The following MAEA variants were observed in gnomAD, a reference collection of about 807,000 sequenced individuals.
The protein encoded by MAEA is macrophage erythroblast attacher, E3 ubiquitin ligase.
In MAEA, 22 loss-of-function variants were observed where a neutral mutation model predicts 46.2. The observed-to-expected ratio is 0.48, with a 90% confidence interval of 0.34 to 0.68. The LOEUF (loss-of-function observed/expected upper bound fraction) is 0.68. MAEA is among the 30% of genes least tolerant of loss of function. The pLI is 0.01. For synonymous variants in MAEA, 246 were observed against 222.6 expected, an observed-to-expected ratio of 1.11 and a Z score of -0.94; for missense variants, 393 against 558.1, an observed-to-expected ratio of 0.70 and a Z score of 2.98.
intron 1 of MAEA, among the ~76,000 whole-genome samples, chr4:1,301,990 C>T (rs1735363879): frequency 6.6e-6 from 1 of 152,200 alleles, no homozygotes; most frequent in African/African-American, 2.4e-5. Context: ...ATCCCACCTC[C>T]TTCTATGAGG....
Position 1,327,633 on chromosome 4 carries a change from C to T in MAEA, c.586C>T (p.Leu196=). The T allele has an allele frequency of 6.2e-7, 1 of 1,613,874 alleles. No individual in the cohort carries two copies. Among genetic ancestry groups the T allele is most frequent in the Non-Finnish European group, 8.5e-7 (1 of 1,179,902 alleles). Residue 196 remains leucine (L), a synonymous_variant, in exon 5 of 9, where the codon CTG becomes TTG. Transcript: ENST00000303400. ...KSRLRKMKSC[L]EFSLRIQEFI... is the part of the protein sequence containing the mutation. Reference sequence around the variant, plus strand: ...GTCTTGTCTTTGCCCTCAGAGCTGCCTGGAGTTCAGCCTCAGAATCCAGGA... The same window carrying T: ...GTCTTGTCTTTGCCCTCAGAGCTGCTTGGAGTTCAGCCTCAGAATCCAGGA...
In MAEA at chr4:1,325,540, C is replaced by T. The variant is rs1224808760; in HGVS notation, c.580-2087C>T. Among the ~76,000 whole-genome samples, 3 of 152,296 alleles carry T rather than the reference C, an allele frequency of 2.0e-5. No homozygotes were observed. In the Middle Eastern group the frequency reaches 0.01, roughly 518 times the overall value. On this transcript the variant is annotated intron_variant, in intron 4 of 8. Transcript: ENST00000303400. Reference sequence around the variant, plus strand: ...GGTTTGAGGTGTCTATTGTGTGAAGCGGTAACCTAGAGTGGGCCCAGAGTC... The same window carrying T: ...GGTTTGAGGTGTCTATTGTGTGAAGTGGTAACCTAGAGTGGGCCCAGAGTC...
chr4:1,319,179 C>A (rs2108942651), intron 3 of MAEA, among the ~76,000 whole-genome samples: 1 of 152,208 alleles, frequency 6.6e-6, no homozygotes, highest in African/African-American at 2.4e-5. Flanking sequence ...AAGTGAGAAC[C>A]CTTCTCTACA....
chr4:1,303,143 C>T (rs1412832345), intron 1 of MAEA, among the ~76,000 whole-genome samples: 3 of 145,728 alleles, frequency 2.1e-5, no homozygotes, highest in African/African-American at 7.6e-5. Context: ...AATCCCAGCA[C>T]TTTGGGAGGC....
rs529823721 is a variant in MAEA at position 1,326,270 on chromosome 4, A to C, written c.580-1357A>C. On this transcript the variant is annotated intron_variant, in intron 4 of 8. Coordinates refer to ENST00000303400, the MANE Select transcript of MAEA (RefSeq NM_001017405.3). ...CATCTGCCACGTGGAGTTTCTGTTC[A>C]TGCCGTCCTGAGAGCCAGGCCATGT... is the stretch of plus-strand genomic sequence containing the variant. Among the ~76,000 whole-genome samples the C allele has an allele frequency of 6.1e-4, 93 of 152,324 alleles. 2 individuals are homozygous for C. The South Asian group carries it at 0.019, about 32-fold the overall frequency.
chr4:1,293,688 C>T (rs1417218795), intron 1 of MAEA, among the ~76,000 whole-genome samples: 2 of 152,218 alleles, frequency 1.3e-5, no homozygotes, highest in African/African-American at 2.4e-5. Context: ...CTCTCACACC[C>T]AAGGTGGTGA....
chr4:1,302,222 T>C (rs1735389553), intron 1 of MAEA, among the ~76,000 whole-genome samples: 1 of 152,242 alleles, frequency 6.6e-6, no homozygotes, highest in Non-Finnish European at 1.5e-5. Context: ...ATCAATGTCG[T>C]GTATCATATT....
intron 3 of MAEA, among the ~76,000 whole-genome samples, chr4:1,317,648 C>T (rs1737464701): frequency 1.3e-5 from 2 of 152,124 alleles, no homozygotes; most frequent in African/African-American, 2.4e-5. Flanking sequence ...TGGAGGCCCT[C>T]ATCTGCCCAG....
chr4:1,335,070 G>C (rs989130172), intron 6 of MAEA: 11 of 985,230 alleles, frequency 1.1e-5, no homozygotes, highest in Non-Finnish European at 1.3e-5. Context: ...GCCTTTCTGG[G>C]TTGATGTGAA....
intron 3 of MAEA, among the ~76,000 whole-genome samples, chr4:1,317,311 CAGACTCACCCGCAGGCCCCACACTCT>C (rs1737408665): frequency 6.9e-6 from 1 of 144,188 alleles, no homozygotes; most frequent in African/African-American, 2.6e-5. Flanking sequence ...CCCCACACTC[CAGACTCACCCGCAGGCCCCACACTCT>C]GGACTCATCT....
chr4:1,339,039 G>A (rs762608041), intron 8 of MAEA, 35 bp from the exon 9 acceptor site: 16 of 1,493,110 alleles, frequency 1.1e-5, no homozygotes, highest in African/African-American at 9.6e-5. Flanking sequence ...CGTTGTAGTC[G>A]CTTGCCTTAA....
chr4:1,290,045 CG>C, intron 1 of MAEA, 63 bp downstream of exon 1: 1 of 1,317,348 alleles, frequency 7.6e-7, no homozygotes, highest in Non-Finnish European at 1.0e-6. Flanking sequence ...GCCCTCGGGC[CG>C]CGAGGGGCCG....
intron 6 of MAEA, chr4:1,334,901 A>T: frequency 2.0e-6 from 2 of 985,422 alleles, no homozygotes; most frequent in Non-Finnish European, 2.4e-6. Context: ...TTAGACAAAA[A>T]TGAGATTTAA....
chr4:1,317,337 T>TGGACTCATCTGCAGGCCCCACACTCC lies in MAEA; in HGVS notation c.456+1771_456+1796dup, dbSNP rs1476269764. Among the ~76,000 whole-genome samples the TGGACTCATCTGCAGGCCCCACACTCC allele has an allele frequency of 2.6e-3, 295 of 111,484 alleles. 1 individual carries two copies. Among genetic ancestry groups the TGGACTCATCTGCAGGCCCCACACTCC allele is most frequent in the African/African-American group, 7.7e-3 (221 of 28,768 alleles). 73.1% of individuals were successfully genotyped at this position (111,484 alleles called of 152,430 possible). On this transcript the variant is annotated intron_variant, in intron 3 of 8. Transcript: ENST00000303400. ...AGACTCACCCGCAGGCCCCACACTC[T>TGGACTCATCTGCAGGCCCCACACTCC]GGACTCATCTGCAGGCCCCACACTC...
At position 1,332,747 on chromosome 4, in the gene MAEA, T is replaced by G; in HGVS notation, c.657-10T>G. ...CGCAAACTTAAATGTGCCAAAATGT[T>G]GTTTTTTAGACATGCAAGAAAGCAC... On this transcript the variant is annotated splice_polypyrimidine_tract_variant and intron_variant, in intron 5 of 8. Coordinates refer to ENST00000303400, the MANE Select transcript of MAEA (RefSeq NM_001017405.3). 6.2e-7 allele frequency: 1 copy of G among 1,604,318 alleles called. No individual in the cohort carries two copies. Among genetic ancestry groups the G allele is most frequent in the Non-Finnish European group, 8.5e-7 (1 of 1,173,308 alleles).
chr4:1,290,637 A>G (rs1734009805), intron 1 of MAEA, among the ~76,000 whole-genome samples: 1 of 151,974 alleles, frequency 6.6e-6, no homozygotes, highest in Non-Finnish European at 1.5e-5. Flanking sequence ...GCACCTGGGA[A>G]GGAATTCCTT....
intron 1 of MAEA, among the ~76,000 whole-genome samples, chr4:1,298,672 GT>G: frequency 6.6e-6 from 1 of 152,192 alleles, no homozygotes; most frequent in South Asian, 2.1e-4. Flanking sequence ...CCATCCTCGC[GT>G]TTCCCCCCGG....
Position 1,322,473 on chromosome 4 carries a change from T to C in MAEA, c.549T>C (p.His183=). Residue 183 remains histidine (H), a synonymous_variant, in exon 4 of 9, where the codon CAT becomes CAC. Transcript: ENST00000303400. ...RETATCLAWC[H]DNKSRLRKMK... The stretch of plus-strand genomic sequence containing the variant: ...CGGCCACCTGCCTGGCCTGGTGCCA[T>C]GACAACAAGTCCCGGCTCCGGAAGA... 1.2e-6 allele frequency: 2 copies of C among 1,613,894 alleles called. No individual in the cohort carries two copies. The highest frequency in any genetic ancestry group is 1.7e-6 in the Non-Finnish European group (2 of 1,179,986).
At position 1,311,305 on chromosome 4, in the gene MAEA, C is replaced by T. The variant is rs1011865156; in HGVS notation, c.70-674C>T. On this transcript the variant is annotated intron_variant, in intron 1 of 8. Coordinates refer to ENST00000303400, the MANE Select transcript of MAEA (RefSeq NM_001017405.3). This position sits in a 1 kb window ranked among gnomAD's most constrained non-coding sequence, Gnocchi z 4.4. ...TGATTCTGTCGTGCCGCTTTCAAAC[C>T]GTAGAGCACAGGAAACGGGCGGAGA... Among the ~76,000 whole-genome samples, 1 of 152,244 alleles carries T rather than the reference C, an allele frequency of 6.6e-6. No homozygotes were observed.
Sources: allele counts gnomAD v4.1 joint callset (sites outside exome capture counted in the v4.1 genomes callset), GRCh38; gene constraint gnomAD v4.1.1; non-coding constraint Gnocchi (gnomAD v3.1); transcripts MANE v1.5; gene names NCBI Gene and HGNC (gene_info 2026-07-23, HGNC 2026-07-21).